NR3C2: variants seen among roughly 807,000 people sequenced by gnomAD.
The protein encoded by NR3C2 is nuclear receptor subfamily 3 group C member 2.
In NR3C2, 15 loss-of-function variants were observed where a neutral mutation model predicts 86.4. The observed-to-expected ratio is 0.17, with a 90% CI of 0.12 to 0.27. The LOEUF is 0.27. NR3C2 is among the 10% of genes least tolerant of loss of function. The pLI, the probability that NR3C2 is intolerant of heterozygous loss-of-function variation, is 1.00. For synonymous variants in NR3C2, 458 were observed against 450.5 expected, an observed-to-expected ratio of 1.02 and a Z score of -0.21; for missense variants, 960 against 1,195.6, an observed-to-expected ratio of 0.80 and a Z score of 2.91.
intron 8 of NR3C2, among the ~76,000 whole-genome samples, chr4:148,113,849 T>C (rs1732152663): frequency 6.6e-6 from 1 of 152,166 alleles, no homozygotes; most frequent in Non-Finnish European, 1.5e-5. Flanking sequence ...ATAACCTGAA[T>C]GCTTTTTATA....
At chr4:148,412,669 C>A (rs1049686243) in intron 2 of NR3C2, among the ~76,000 whole-genome samples, 14 of 152,206 alleles carry the variant, frequency 9.2e-5, no homozygotes, top group Non-Finnish European at 2.1e-4. Context: ...ACTCAACTGT[C>A]AGCACATTCT....
intron 7 of NR3C2, among the ~76,000 whole-genome samples, chr4:148,119,306 A>G (rs1424754976): frequency 6.6e-6 from 1 of 152,072 alleles, no homozygotes; most frequent in African/African-American, 2.4e-5. Flanking sequence ...ACAGGTCCAC[A>G]CTCATTACTG....
chr4:148,435,955 A>G lies in NR3C2; in HGVS notation c.906T>C (p.Asn302=). The G allele has an allele frequency of 6.2e-7, 1 of 1,614,152 alleles. No individual in the cohort carries two copies. The highest frequency in any genetic ancestry group is 8.5e-7 in the Non-Finnish European group (1 of 1,180,022). The change falls in exon 2 of 9, where the codon AAT becomes AAC. Residue 302 remains asparagine (N), a synonymous_variant. Coordinates refer to ENST00000358102, the MANE Select transcript of NR3C2 (RefSeq NM_000901.5). The part of the protein sequence containing the change: ...TLRSSVSSPA[N]INNSRCSVSS... ...AAACAGAGCACCTTGAGTTGTTAAT[A>G]TTTGCAGGGCTAGACACAGAGGATC...
chr4:148,428,952 A>C (rs996552546), intron 2 of NR3C2, among the ~76,000 whole-genome samples: 18 of 152,068 alleles, frequency 1.2e-4, no homozygotes, highest in Non-Finnish European at 2.2e-4. Context: ...TTTCAAATTC[A>C]ACTCCCTTCT....
intron 4 of NR3C2, among the ~76,000 whole-genome samples, chr4:148,163,865 T>C (rs1734769500): frequency 6.6e-6 from 1 of 152,190 alleles, no homozygotes; most frequent in South Asian, 2.1e-4. Flanking sequence ...AAGTGACTTA[T>C]GCAATAACTA....
At chr4:148,258,430 C>A (rs1739931260) in intron 3 of NR3C2, among the ~76,000 whole-genome samples, 1 of 152,178 alleles carries the variant, frequency 6.6e-6, no homozygotes, top group South Asian at 2.1e-4. Context: ...GAAAAATTGG[C>A]CTTCTGGTAA....
chr4:148,363,850 G>A (rs1363615227), intron 2 of NR3C2, among the ~76,000 whole-genome samples: 1 of 151,988 alleles, frequency 6.6e-6, no homozygotes, highest in Non-Finnish European at 1.5e-5. Flanking sequence ...ACTTCAAAGG[G>A]GTAAAAATAC....
intron 2 of NR3C2, among the ~76,000 whole-genome samples, chr4:148,350,828 GAAAT>G (rs1170879082): frequency 1.3e-5 from 2 of 152,104 alleles, no homozygotes; most frequent in African/African-American, 4.8e-5. Context: ...TTATTGAGAT[GAAAT>G]AAATTAATAG....
At chr4:148,418,696 A>C (rs61758341) in intron 2 of NR3C2, among the ~76,000 whole-genome samples, 12,190 of 152,262 alleles carry the variant, frequency 0.08, 661 homozygotes, top group Non-Finnish European at 0.11. Flanking sequence ...CAATAATAAG[A>C]ACTAAGATTT....
intron 2 of NR3C2, among the ~76,000 whole-genome samples, chr4:148,393,657 TAAG>T (rs1021554152): frequency 6.6e-6 from 1 of 152,196 alleles, no homozygotes; most frequent in African/African-American, 2.4e-5. Context: ...ATTTTGTTAA[TAAG>T]AAGACAGAAA....
intron 6 of NR3C2, among the ~76,000 whole-genome samples, chr4:148,138,806 G>A (rs548853605): frequency 1.3e-5 from 2 of 152,342 alleles, no homozygotes; most frequent in Admixed American, 6.5e-5. Context: ...GTGTTGAGAG[G>A]TGGAGCCTAA....
chr4:148,442,970 A>G, upstream of NR3C2: 2 of 985,326 alleles, frequency 2.0e-6, no homozygotes, highest in Non-Finnish European at 2.4e-6. Flanking sequence ...GGTGAGCTGC[A>G]GCCCAGACCC....
Position 148,154,867 on chromosome 4 carries a change from C to T in NR3C2, c.2049G>A (p.Gly683=), listed in dbSNP as rs1324290498. ...GCTGCTGTGGCTGCTCCTCGTGAAT[C>T]CCTTTTAACTTTCCCAACTTCTTTG... The part of the protein sequence containing the change: ...RKSKKLGKLK[G]IHEEQPQQQQ... The change falls in exon 5 of 9, where the codon GGG becomes GGA. Residue 683 remains glycine, a synonymous_variant. Transcript: ENST00000358102. 5.7e-6 allele frequency: 9 copies of T among 1,576,782 alleles called. No individual in the cohort carries two copies. Among genetic ancestry groups the T allele is most frequent in the Admixed American group, 1.8e-5 (1 of 54,694 alleles).
chr4:148,382,063 A>G (rs989654737), intron 2 of NR3C2, among the ~76,000 whole-genome samples: 2 of 152,190 alleles, frequency 1.3e-5, no homozygotes, highest in African/African-American at 2.4e-5. Flanking sequence ...ATTCACCGGT[A>G]CGTAAAAGAA....
chr4:148,140,130 A>G (rs1238049464), intron 6 of NR3C2, among the ~76,000 whole-genome samples: 1 of 152,162 alleles, frequency 6.6e-6, no homozygotes, highest in Admixed American at 6.5e-5. Flanking sequence ...TGACTGGCCC[A>G]TTCCTTTCCA....
At chr4:148,256,534 G>A (rs1739840871) in intron 3 of NR3C2, among the ~76,000 whole-genome samples, 1 of 152,104 alleles carries the variant, frequency 6.6e-6, no homozygotes, top group Admixed American at 6.6e-5. Context: ...TCCATTTATA[G>A]ACAAAGAAAC....
chr4:148,296,416 G>A (rs1742060147), intron 2 of NR3C2, among the ~76,000 whole-genome samples: 1 of 152,074 alleles, frequency 6.6e-6, no homozygotes, highest in Non-Finnish European at 1.5e-5. Context: ...TACAGTGAAA[G>A]AGAACACTGT....
chr4:148,140,436 A>G lies in NR3C2; in HGVS notation c.2510+12033T>C, dbSNP rs573370322. ...GTAGTTCCAGCTACTTGAGAGGTTG[A>G]GGCAGGAGGATTGCCTGAGCCCAGG... is the stretch of plus-strand genomic sequence containing the variant. On this transcript the variant is annotated intron_variant, in intron 6 of 8. Transcript: ENST00000358102. Among the ~76,000 whole-genome samples, 78 of 152,286 alleles carry G rather than the reference A, an allele frequency of 5.1e-4. 1 individual carries two copies. The South Asian group carries it at 8.9e-3, about 17-fold the overall frequency.
At chr4:148,143,007 G>A (rs12651282) in intron 6 of NR3C2, among the ~76,000 whole-genome samples, 40,331 of 152,056 alleles carry the variant, frequency 0.27, 6,026 homozygotes, top group East Asian at 0.6. Flanking sequence ...TGCAGATGCC[G>A]GTGCTATGCC....
Sources: allele counts gnomAD v4.1 joint callset (sites outside exome capture counted in the v4.1 genomes callset), GRCh38; gene constraint gnomAD v4.1.1; transcripts MANE v1.5; gene names NCBI Gene and HGNC (gene_info 2026-07-23, HGNC 2026-07-21).